The following EPHA6 variants were observed in gnomAD, a reference collection of about 807,000 sequenced individuals.
EPHA6 encodes ephrin type-A receptor 6.
Under a neutral mutation model 112.0 loss-of-function variants are expected in EPHA6, and 50 were observed. The ratio of observed to expected loss-of-function variants is 0.45; its 90% CI spans 0.36 to 0.56. EPHA6 has a LOEUF of 0.56. Ranked by LOEUF, EPHA6 falls within the 20% of genes least tolerant of loss-of-function variation. The pLI is 0.00. For synonymous variants in EPHA6, 529 were observed against 490.7 expected (o/e 1.08, Z -1.03); for missense variants, 1,280 against 1,417.4 (o/e 0.90, Z 1.56).
chr3:97,110,932 A>G (rs1157165729), intron 3 of EPHA6, among the ~76,000 whole-genome samples: 1 of 152,180 alleles, frequency 6.6e-6, no homozygotes, highest in Non-Finnish European at 1.5e-5. Flanking sequence ...TGCAGGAAGT[A>G]CTACAAAATA....
intron 5 of EPHA6, among the ~76,000 whole-genome samples, chr3:97,273,050 G>C (rs1427672661): frequency 6.6e-6 from 1 of 152,092 alleles, no homozygotes; most frequent in African/African-American, 2.4e-5. Context: ...TTCTGGTAAG[G>C]GGTGATATTG....
At chr3:96,959,186 T>G (rs144689414) in intron 2 of EPHA6, among the ~76,000 whole-genome samples, 2 of 152,274 alleles carry the variant, frequency 1.3e-5, no homozygotes. Flanking sequence ...TGTCTGGTGT[T>G]TGTTTGTAGG....
At position 97,644,400 on chromosome 3, in the gene EPHA6, C is replaced by A. The variant is rs1299009687; in HGVS notation, c.2784+6318C>A. Among the ~76,000 whole-genome samples the A allele has an allele frequency of 5.4e-5, 8 of 149,092 alleles. No homozygotes were observed. The East Asian group carries it at 1.4e-3, about 26-fold the overall frequency. ...AGAACTAGAAAAGCAAGAGCAAACA[C>A]ATTCAAAAGCTAGCAGAAGGCAAGA... On this transcript the variant is annotated intron_variant, in intron 14 of 17. Coordinates refer to ENST00000389672, the MANE Select transcript of EPHA6 (RefSeq NM_001080448.3).
At chr3:97,664,613 T>C (rs987937756) in intron 14 of EPHA6, among the ~76,000 whole-genome samples, 17 of 152,212 alleles carry the variant, frequency 1.1e-4, no homozygotes, top group African/African-American at 3.9e-4. Context: ...GATAAGCAAC[T>C]TGAGCAAATT....
Position 97,021,634 on chromosome 3 carries a change from C to T in EPHA6, c.1114+33641C>T, listed in dbSNP as rs115228604. The stretch of plus-strand genomic sequence containing the variant: ...GGATGCTCTTCCTTACTTGCAGAAG[C>T]CCACATTCTTGCTGTGTCATCACAT... On this transcript the variant is annotated intron_variant, in intron 3 of 17. Transcript: ENST00000389672. Among the ~76,000 whole-genome samples the T allele has an allele frequency of 2.6e-5, 4 of 152,334 alleles. No homozygotes were observed. The East Asian group carries it at 7.7e-4, about 29-fold the overall frequency.
chr3:97,165,682 T>C (rs976193642), intron 3 of EPHA6, among the ~76,000 whole-genome samples: 1 of 152,172 alleles, frequency 6.6e-6, no homozygotes, highest in Non-Finnish European at 1.5e-5. Context: ...GGTTAAGTTT[T>C]CTGCAGAAGG....
Position 96,814,638 on chromosome 3 carries a change from G to T in EPHA6, c.15G>T (p.Ser5=), listed in dbSNP as rs1318511709. 1.4e-6 allele frequency: 2 copies of T among 1,467,520 alleles called. No homozygotes were observed. The highest frequency in any genetic ancestry group is 1.8e-6 in the Non-Finnish European group (2 of 1,109,434). The allele number at this position is 1,467,520 out of a possible 1,614,324, so 90.9% of individuals were successfully genotyped here. A position where few individuals can be genotyped will look rare whatever the true frequency, so the allele number is the denominator to read the frequency against. ...CACTGTGGTGGATGCAATTCCCCTC[G>T]CCTCCAGCCGCGAGGAGCTCCCCGG... MQFP[S]PPAARSSPAP... The change falls in exon 1 of 18, where the codon TCG becomes TCT. Residue 5 remains serine (S), a synonymous_variant. Coordinates refer to ENST00000389672, the MANE Select transcript of EPHA6 (RefSeq NM_001080448.3).
chr3:97,154,417 A>T (rs567192026), intron 3 of EPHA6, among the ~76,000 whole-genome samples: 1 of 152,162 alleles, frequency 6.6e-6, no homozygotes, highest in African/African-American at 2.4e-5. Flanking sequence ...ATATTTCCAC[A>T]TTATGAAATG....
chr3:96,861,132 A>G (rs1416428464), intron 1 of EPHA6, among the ~76,000 whole-genome samples: 1 of 152,062 alleles, frequency 6.6e-6, no homozygotes, highest in East Asian at 1.9e-4. Flanking sequence ...TGAAGCAAAT[A>G]TAGCTCTGTC....
intron 3 of EPHA6, among the ~76,000 whole-genome samples, chr3:97,004,096 A>G (rs1438330826): frequency 1.3e-5 from 2 of 152,160 alleles, no homozygotes; most frequent in Admixed American, 6.5e-5. Flanking sequence ...ATAGTGCTGC[A>G]ATAAACATAT....
At chr3:97,495,777 T>A (rs1248386704) in intron 10 of EPHA6, among the ~76,000 whole-genome samples, 2 of 152,176 alleles carry the variant, frequency 1.3e-5, no homozygotes, top group African/African-American at 2.4e-5. Context: ...CAATTGTTTT[T>A]TCATTATTGG....
intron 2 of EPHA6, among the ~76,000 whole-genome samples, chr3:96,876,021 T>G (rs979905660): frequency 6.6e-6 from 1 of 151,222 alleles, no homozygotes; most frequent in African/African-American, 2.4e-5. Context: ...TTAAAATATT[T>G]ATAAACTATT....
At chr3:97,590,410 T>C (rs2093532126) in intron 11 of EPHA6, 2 of 152,260 alleles carry the variant, frequency 1.3e-5, no homozygotes, top group South Asian at 4.1e-4. Context: ...TAAGATAATA[T>C]TTGTATTAGT....
intron 5 of EPHA6, among the ~76,000 whole-genome samples, chr3:97,401,951 C>T (rs918211600): frequency 1.3e-5 from 2 of 151,698 alleles, no homozygotes; most frequent in Non-Finnish European, 2.9e-5. Flanking sequence ...TTAATTTCCA[C>T]GTGTTTGTGT....
At chr3:97,050,639 A>G (rs1260278531) in intron 3 of EPHA6, among the ~76,000 whole-genome samples, 1 of 152,174 alleles carries the variant, frequency 6.6e-6, no homozygotes, top group Non-Finnish European at 1.5e-5. Flanking sequence ...CATGATTTCT[A>G]TGTTATTCTC....
At chr3:97,498,882 C>A (rs888796271) in intron 10 of EPHA6, among the ~76,000 whole-genome samples, 1 of 152,224 alleles carries the variant, frequency 6.6e-6, no homozygotes, top group African/African-American at 2.4e-5. Flanking sequence ...GAAAAATTGT[C>A]TTCCATGAAA....
At chr3:97,310,749 T>C (rs2081520762) in intron 5 of EPHA6, among the ~76,000 whole-genome samples, 1 of 151,674 alleles carries the variant, frequency 6.6e-6, no homozygotes, top group Non-Finnish European at 1.5e-5. Flanking sequence ...ACTTAAATTA[T>C]TGGCATCTAA....
chr3:96,940,432 T>C (rs1172700818), intron 2 of EPHA6, among the ~76,000 whole-genome samples: 2 of 152,198 alleles, frequency 1.3e-5, no homozygotes, highest in African/African-American at 4.8e-5. Flanking sequence ...CCTGCCTTTT[T>C]TTGTTTTCCA....
At chr3:97,649,728 G>T (rs1418549136) in intron 14 of EPHA6, among the ~76,000 whole-genome samples, 1 of 151,476 alleles carries the variant, frequency 6.6e-6, no homozygotes, top group African/African-American at 2.4e-5. Flanking sequence ...TAAGAAAAGA[G>T]CTATGCCACT....
Sources: allele counts gnomAD v4.1 joint callset (sites outside exome capture counted in the v4.1 genomes callset), GRCh38; gene constraint gnomAD v4.1.1; transcripts MANE v1.5; gene names NCBI Gene and HGNC (gene_info 2026-07-23, HGNC 2026-07-21).